ANKS1B: variants seen among roughly 807,000 people sequenced by gnomAD.
The protein encoded by ANKS1B is ankyrin repeat and sterile alpha motif domain-containing protein 1B.
Under a neutral mutation model 148.3 loss-of-function variants are expected in ANKS1B, and 36 were observed. That is an observed-to-expected ratio of 0.24 (90% CI 0.19 to 0.32). ANKS1B has a LOEUF of 0.32. ANKS1B is among the 10% of genes least tolerant of loss of function. ANKS1B has a pLI of 1.00. For synonymous variants in ANKS1B, 542 were observed against 560.8 expected, an observed-to-expected ratio of 0.97 and a Z score of 0.47; for missense variants, 1,157 against 1,542.6, an observed-to-expected ratio of 0.75 and a Z score of 4.19.
chr12:99,842,144 C>T (rs971879146), intron 1 of ANKS1B, among the ~76,000 whole-genome samples: 2 of 151,852 alleles, frequency 1.3e-5, no homozygotes, highest in Non-Finnish European at 2.9e-5. Flanking sequence ...TAGGTTTTGA[C>T]GAGTTATTTT....
At chr12:99,134,710 A>C (rs2067410125) in intron 15 of ANKS1B, among the ~76,000 whole-genome samples, 1 of 143,498 alleles carries the variant, frequency 7.0e-6, no homozygotes, top group African/African-American at 2.6e-5. Context: ...CCAGGCATTT[A>C]CCCTCCATTC....
chr12:99,409,064 A>G (rs1457407880), intron 11 of ANKS1B, among the ~76,000 whole-genome samples: 4 of 152,228 alleles, frequency 2.6e-5, no homozygotes, highest in Non-Finnish European at 5.9e-5. Context: ...TTATTGCAGG[A>G]CTATTCACAA....
chr12:99,931,534 A>G (rs1438760137), intron 1 of ANKS1B, among the ~76,000 whole-genome samples: 2 of 152,192 alleles, frequency 1.3e-5, no homozygotes, highest in Non-Finnish European at 2.9e-5. Flanking sequence ...GAAATATTCT[A>G]AAAAGTTTTG....
chr12:99,650,293 ACTCT>A (rs748125334), intron 9 of ANKS1B, among the ~76,000 whole-genome samples: 2 of 147,860 alleles, frequency 1.4e-5, no homozygotes, highest in African/African-American at 2.5e-5. Context: ...ACACACACAG[ACTCT>A]CTCTCTCTCT....
At chr12:99,226,091 T>C (rs188293453) in intron 14 of ANKS1B, among the ~76,000 whole-genome samples, 1 of 152,316 alleles carries the variant, frequency 6.6e-6, no homozygotes, top group East Asian at 1.9e-4. Flanking sequence ...GTTTTGAAGA[T>C]AGGCAGAGTA....
intron 1 of ANKS1B, among the ~76,000 whole-genome samples, chr12:99,901,541 T>C (rs1420672244): frequency 1.3e-5 from 2 of 152,194 alleles, no homozygotes; most frequent in African/African-American, 4.8e-5. Flanking sequence ...GGACATTTGT[T>C]ATGTGCCCCC....
chr12:99,239,707 A>G (rs1395979011), intron 14 of ANKS1B, among the ~76,000 whole-genome samples: 1 of 152,222 alleles, frequency 6.6e-6, no homozygotes, highest in Non-Finnish European at 1.5e-5. Flanking sequence ...CATTAGACTA[A>G]CAGTGGATCT....
chr12:98,736,476 G>C (rs1419888654), intron 9 of ANKS1B, among the ~76,000 whole-genome samples: 1 of 152,212 alleles, frequency 6.6e-6, no homozygotes, highest in African/African-American at 2.4e-5. Context: ...TGCGGACGCG[G>C]TAAGTTTGAG....
At chr12:99,365,419 G>C (rs888564541) in intron 12 of ANKS1B, among the ~76,000 whole-genome samples, 1 of 152,214 alleles carries the variant, frequency 6.6e-6, no homozygotes, top group Non-Finnish European at 1.5e-5. Context: ...GGATCCACTA[G>C]CCAGGCTGCT....
chr12:99,641,080 A>G (rs1056144391), intron 9 of ANKS1B, among the ~76,000 whole-genome samples: 1 of 152,210 alleles, frequency 6.6e-6, no homozygotes. Context: ...TTAACATTGC[A>G]CATATTAGAA....
chr12:99,554,423 C>T (rs1314420677), intron 9 of ANKS1B, among the ~76,000 whole-genome samples: 1 of 152,104 alleles, frequency 6.6e-6, no homozygotes, highest in East Asian at 1.9e-4. Context: ...ACAGAACCTA[C>T]AAATTGCTCC....
chr12:99,976,509 A>G (rs2095631506), intron 1 of ANKS1B, among the ~76,000 whole-genome samples: 1 of 152,150 alleles, frequency 6.6e-6, no homozygotes, highest in African/African-American at 2.4e-5. Flanking sequence ...TAGAAACAGG[A>G]AAGGAGGTTG....
chr12:99,360,237 C>A (rs1338148929), intron 12 of ANKS1B, among the ~76,000 whole-genome samples: 4 of 152,100 alleles, frequency 2.6e-5, no homozygotes, highest in Admixed American at 6.6e-5. Flanking sequence ...TGGCAAGAGT[C>A]ACTTAATGTC....
chr12:99,888,096 A>G (rs913231811), intron 1 of ANKS1B, among the ~76,000 whole-genome samples: 4 of 152,242 alleles, frequency 2.6e-5, no homozygotes, highest in African/African-American at 7.2e-5. Context: ...AAAGAGACAT[A>G]GAAGTAACAA....
downstream of ANKS1B, among the ~76,000 whole-genome samples, chr12:98,742,924 T>C (rs2097813160): frequency 6.6e-6 from 1 of 152,204 alleles, no homozygotes; most frequent in Non-Finnish European, 1.5e-5. Flanking sequence ...GCTAGTTAGT[T>C]ACCCAACTTT....
chr12:99,577,791 C>A (rs913612345), intron 9 of ANKS1B, among the ~76,000 whole-genome samples: 1 of 152,030 alleles, frequency 6.6e-6, no homozygotes, highest in Non-Finnish European at 1.5e-5. Context: ...CTGAATTCTA[C>A]TGCATGTATA....
intron 10 of ANKS1B, among the ~76,000 whole-genome samples, chr12:99,456,225 G>C (rs2095846010): frequency 6.6e-6 from 1 of 152,110 alleles, no homozygotes; most frequent in South Asian, 2.1e-4. Flanking sequence ...AAAGGGAAGA[G>C]CACCATATCA....
intron 14 of ANKS1B, among the ~76,000 whole-genome samples, chr12:99,205,290 T>G (rs946693458): frequency 5.9e-5 from 9 of 152,230 alleles, no homozygotes; most frequent in African/African-American, 2.2e-4. Context: ...TTGTTTTCTA[T>G]TTTTGCTTTC....
At chr12:98,927,450 G>T (rs549871669) in intron 17 of ANKS1B, among the ~76,000 whole-genome samples, 6 of 151,948 alleles carry the variant, frequency 3.9e-5, no homozygotes, top group Non-Finnish European at 7.4e-5. Flanking sequence ...AAATATAAAA[G>T]ACAATATAAA....
Sources: allele counts gnomAD v4.1 joint callset (sites outside exome capture counted in the v4.1 genomes callset), GRCh38; gene constraint gnomAD v4.1.1; transcripts MANE v1.5; gene names NCBI Gene and HGNC (gene_info 2026-07-23, HGNC 2026-07-21).